The following PCDHGA4 variants were observed in gnomAD, a reference collection of about 807,000 sequenced individuals.
The protein encoded by PCDHGA4 is protocadherin gamma-A4.
Under a neutral mutation model 54.6 loss-of-function variants are expected in PCDHGA4, and 38 were observed. The ratio of observed to expected loss-of-function variants is 0.70; its 90% CI spans 0.54 to 0.91. PCDHGA4 has a LOEUF of 0.91. Among genes scored for constraint, PCDHGA4 ranks in the 40% least tolerant of loss-of-function variants. PCDHGA4 has a pLI of 0.00. For missense variants in PCDHGA4, 1,298 were observed against 1,220.9 expected (o/e 1.06, Z -0.94); for synonymous variants, 511 against 512.9 (o/e 1.00, Z 0.05).
At chr5:141,488,239 G>A (rs576918071) in intron 1 of PCDHGA4, among the ~76,000 whole-genome samples, 3 of 152,222 alleles carry the variant, frequency 2.0e-5, no homozygotes, top group South Asian at 4.1e-4. Context: ...AACTAGATGC[G>A]GTAAATTGGA....
intron 1 of PCDHGA4, chr5:141,361,215 G>A: frequency 1.2e-6 from 2 of 1,613,962 alleles, no homozygotes; most frequent in Non-Finnish European, 1.7e-6. Flanking sequence ...CGGAGGATTC[G>A]CCACCAGGAA....
At chr5:141,429,542 A>G (rs1484411621) in intron 1 of PCDHGA4, among the ~76,000 whole-genome samples, 3 of 152,188 alleles carry the variant, frequency 2.0e-5, no homozygotes, top group African/African-American at 7.2e-5. Context: ...AAATAAGAAC[A>G]TGGTAATGAT....
rs1317111249 is a variant in PCDHGA4, at chr5:141,413,333, C to A, written c.2514+55712C>A. 3.1e-6 allele frequency: 5 copies of A among 1,613,966 alleles called. No individual in the cohort carries two copies. The Admixed American group carries it at 6.7e-5, about 22-fold the overall frequency. On this transcript the variant is annotated intron_variant, in intron 1 of 3. Coordinates refer to ENST00000571252, the MANE Select transcript of PCDHGA4 (RefSeq NM_018917.4). ...AAAGGCTCTTTCGTGGGCAACATCTCCAAGGACTTGGGTCTGGCGCCCCGG... is the reference window on the plus strand; with the variant it reads ...AAAGGCTCTTTCGTGGGCAACATCTACAAGGACTTGGGTCTGGCGCCCCGG...
intron 1 of PCDHGA4, chr5:141,366,631 C>T (rs1330710940): frequency 3.7e-6 from 6 of 1,614,138 alleles, no homozygotes; most frequent in Non-Finnish European, 5.1e-6. Flanking sequence ...GGAAGAGTCA[C>T]CTGATCTTTC....
At chr5:141,374,221 C>T (rs1290951545) in intron 1 of PCDHGA4, 12 of 1,613,878 alleles carry the variant, frequency 7.4e-6, no homozygotes, top group African/African-American at 6.7e-5. Flanking sequence ...CCTTCGTAGG[C>T]AACATCGTCA....
At chr5:141,369,742 A>G (rs1766466506) in intron 1 of PCDHGA4, among the ~76,000 whole-genome samples, 1 of 152,236 alleles carries the variant, frequency 6.6e-6, no homozygotes, top group African/African-American at 2.4e-5. Flanking sequence ...AGGAAATAGA[A>G]TGCAATAAGA....
At chr5:141,375,536 G>T in intron 1 of PCDHGA4, 1 of 1,613,972 alleles carries the variant, frequency 6.2e-7, no homozygotes, top group Non-Finnish European at 8.5e-7. Flanking sequence ...GGACCAGAAC[G>T]CCCAAGTCTC....
chr5:141,491,528 C>T lies in PCDHGA4; in HGVS notation c.2515-3279C>T, dbSNP rs745806026. ...GGCACGCTCAAGTACATGGAGGTGACGCTGCGGCCCACAGACTCGCAGAGC... is the reference window on the plus strand; with the variant it reads ...GGCACGCTCAAGTACATGGAGGTGATGCTGCGGCCCACAGACTCGCAGAGC... On this transcript the variant is annotated intron_variant, in intron 1 of 3. Coordinates refer to ENST00000571252, the MANE Select transcript of PCDHGA4 (RefSeq NM_018917.4). The surrounding 1 kb of genome is among the most constrained non-coding windows in gnomAD (Gnocchi z 6.9). 4 of 1,613,950 alleles carry T rather than the reference C, an allele frequency of 2.5e-6. No individual in the cohort carries two copies. Among genetic ancestry groups the T allele is most frequent in the South Asian group, 1.1e-5 (1 of 91,092 alleles).
chr5:141,413,895 T>A (rs749075692), intron 1 of PCDHGA4: 2 of 1,613,308 alleles, frequency 1.2e-6, no homozygotes, highest in South Asian at 2.2e-5. Flanking sequence ...TCGATGCAAA[T>A]GACAACGCGC....
At chr5:141,506,444 CAAA>C (rs1219684339) in intron 3 of PCDHGA4, among the ~76,000 whole-genome samples, 12 of 95,004 alleles carry the variant, frequency 1.3e-4, no homozygotes, top group Admixed American at 3.3e-4. Context: ...CGCTCTGTCT[CAAA>C]AAAAAAAAAA....
rs151105903 is a variant in PCDHGA4 at position 141,419,964 on chromosome 5, T to C, written c.2514+62343T>C. ...GTGGCCTTGGCCTTGATTTCTGTGC[T>C]CTTTCTCCTCGCGGTGATTCTAGCT... On this transcript the variant is annotated intron_variant, in intron 1 of 3. Transcript: ENST00000571252. 3.7e-6 allele frequency: 6 copies of C among 1,614,082 alleles called. No individual in the cohort carries two copies. Among genetic ancestry groups the C allele is most frequent in the Non-Finnish European group, 4.2e-6 (5 of 1,179,900 alleles).
chr5:141,360,382 G>C, intron 1 of PCDHGA4: 1 of 1,613,906 alleles, frequency 6.2e-7, no homozygotes, highest in South Asian at 1.1e-5. Flanking sequence ...AGAAAGCGGA[G>C]ACTTACTTGT....
At chr5:141,434,535 A>G (rs939961995) in intron 1 of PCDHGA4, among the ~76,000 whole-genome samples, 1 of 152,230 alleles carries the variant, frequency 6.6e-6, no homozygotes, top group African/African-American at 2.4e-5. Flanking sequence ...ACCACAAACA[A>G]TAGCATGAGT....
chr5:141,419,494 T>A, intron 1 of PCDHGA4: 1 of 1,612,380 alleles, frequency 6.2e-7, no homozygotes, highest in Non-Finnish European at 8.5e-7. Context: ...TCAGCGCCAA[T>A]GTGAGCCTGC....
intron 1 of PCDHGA4, chr5:141,430,905 C>T: frequency 6.2e-7 from 1 of 1,606,922 alleles, no homozygotes; most frequent in Non-Finnish European, 8.5e-7. Context: ...GGCGACATCT[C>T]CAGGGACCTG....
intron 3 of PCDHGA4, among the ~76,000 whole-genome samples, chr5:141,508,620 G>A (rs1017391751): frequency 2.0e-5 from 3 of 152,070 alleles, no homozygotes; most frequent in East Asian, 1.9e-4. Context: ...GACGTGGGTG[G>A]GCCGAGCTTC....
chr5:141,444,373 G>A (rs2098434682), intron 1 of PCDHGA4, among the ~76,000 whole-genome samples: 1 of 151,902 alleles, frequency 6.6e-6, no homozygotes, highest in South Asian at 2.1e-4. Context: ...GTTTCTCCAT[G>A]TTGGTCAGGC....
At position 141,371,103 on chromosome 5, in the gene PCDHGA4, G is replaced by T. The variant is rs1232346882; in HGVS notation, c.2514+13482G>T. The stretch of plus-strand genomic sequence containing the variant: ...CAGGGTAATTGTCGCAGATGCAAAT[G>T]ATAACCCCCCAGTATTTACTCAGGA... On this transcript the variant is annotated intron_variant, in intron 1 of 3. Transcript: ENST00000571252. 4 of 1,613,708 alleles carry T rather than the reference G, an allele frequency of 2.5e-6. No individual in the cohort carries two copies. The African/African-American group carries it at 5.3e-5, about 22-fold the overall frequency.
chr5:141,384,186 TC>T (rs1369721575), intron 1 of PCDHGA4: 3 of 1,613,730 alleles, frequency 1.9e-6, no homozygotes, highest in Admixed American at 1.7e-5. Flanking sequence ...ATGGTGGAAC[TC>T]CTCCCTTGTC....
Sources: allele counts gnomAD v4.1 joint callset (sites outside exome capture counted in the v4.1 genomes callset), GRCh38; gene constraint gnomAD v4.1.1; non-coding constraint Gnocchi (gnomAD v3.1); transcripts MANE v1.5; gene names NCBI Gene and HGNC (gene_info 2026-07-23, HGNC 2026-07-21).